Variants in ABCA8 observed in about 807,000 individuals in gnomAD.
ABCA8 encodes the protein ABC-type organic anion transporter ABCA8.
ABCA8 carries 177 observed loss-of-function variants against 192.3 expected under a neutral mutation model. That is an observed-to-expected ratio of 0.92 (90% CI 0.81 to 1.04). The LOEUF (loss-of-function observed/expected upper bound fraction) is 1.04. Among genes scored for constraint, ABCA8 ranks in the 50% least tolerant of loss-of-function variants. The pLI, the probability that ABCA8 is intolerant of heterozygous loss-of-function variation, is 0.00. For missense variants in ABCA8, 1,915 were observed against 1,904.8 expected (o/e 1.01, Z -0.10); for synonymous variants, 642 against 690.2 (o/e 0.93, Z 1.09).
intron 6 of ABCA8, 136 bp from the exon 7 acceptor site, chr17:68,932,650 C>T: frequency 1.5e-6 from 1 of 656,216 alleles, no homozygotes; most frequent in Non-Finnish European, 2.6e-6. Flanking sequence ...ACTTCTATGT[C>T]CTGTCATTGA....
rs2066325466 is a variant in ABCA8, at chr17:68,881,130, G to A, written c.4028C>T (p.Thr1343Ile). ...IKVITGDTKP[T>I]AGQVLLKGSG... ...ACATAATTCACCTACTTGTCCAGCA[G>A]TTGGTTTTGTGTCTCCAGTTATCAC... Residue 1343 changes from threonine to isoleucine, a missense_variant, in exon 32 of 40, where the codon ACT becomes ATT. Thr to Ile is a moderately conservative substitution (Grantham distance 89, BLOSUM62 -1). Coordinates refer to ENST00000586539, the MANE Select transcript of ABCA8 (RefSeq NM_001288985.2). 6.2e-7 allele frequency: 1 copy of A among 1,609,844 alleles called. No homozygotes were observed. Among genetic ancestry groups the A allele is most frequent in the South Asian group, 1.1e-5 (1 of 90,990 alleles).
At chr17:68,912,231 C>T (rs992029278) in intron 17 of ABCA8, among the ~76,000 whole-genome samples, 9 of 152,012 alleles carry the variant, frequency 5.9e-5, no homozygotes, top group Middle Eastern at 3.2e-3. Flanking sequence ...AGAGAAGGGA[C>T]TCAGAATCTT....
chr17:68,894,095 G>T (rs1598212687), intron 23 of ABCA8, 78 bp downstream of exon 23: 1 of 1,484,918 alleles, frequency 6.7e-7, no homozygotes, highest in Non-Finnish European at 9.4e-7. Context: ...ATAAAAACAA[G>T]ATTCCAGCAC....
intron 5 of ABCA8, among the ~76,000 whole-genome samples, chr17:68,936,748 T>C (rs1005248512): frequency 1.3e-5 from 2 of 152,066 alleles, no homozygotes; most frequent in Non-Finnish European, 2.9e-5. Flanking sequence ...TATGTAAATG[T>C]ATGTAGATAA....
chr17:68,942,656 G>A (rs561344025), intron 2 of ABCA8, among the ~76,000 whole-genome samples: 25 of 152,194 alleles, frequency 1.6e-4, no homozygotes, highest in Admixed American at 1.6e-3. Context: ...TAGTACTGGT[G>A]TCCACAGCTT....
chr17:68,916,945 TA>T (rs1252528370), intron 17 of ABCA8, among the ~76,000 whole-genome samples: 2 of 152,236 alleles, frequency 1.3e-5, no homozygotes, highest in African/African-American at 4.8e-5. Context: ...CAAATACGTG[TA>T]CATGTTTGTA....
rs149633073 is a variant in ABCA8 at position 68,911,115 on chromosome 17, G to T, written c.2139-3236C>A. On this transcript the variant is annotated intron_variant, in intron 17 of 39. Coordinates refer to ENST00000586539, the MANE Select transcript of ABCA8 (RefSeq NM_001288985.2). This position sits in a 1 kb window ranked among gnomAD's most constrained non-coding sequence, Gnocchi z 5.7. ...CTTAGGTACCAGCTTAGCTACAGTG[G>T]AGTAGAGAGCACCAAGCGGACTCCT... 1.3e-3 allele frequency among the ~76,000 whole-genome samples: 195 copies of T among 152,270 alleles called. No homozygotes were observed. The highest frequency in any genetic ancestry group is 4.6e-3 in the African/African-American group (192 of 41,570).
chr17:68,916,998 G>T lies in ABCA8; in HGVS notation c.2138+363C>A, dbSNP rs995777822. On this transcript the variant is annotated intron_variant, in intron 17 of 39. Transcript: ENST00000586539. ...ATAATACAAATTCTTGGCCGGGCGC[G>T]GTGGCTCACGCCTATAATCCCAGCA... Among the ~76,000 whole-genome samples the T allele has an allele frequency of 5.3e-5, 8 of 152,228 alleles. No homozygotes were observed. The East Asian group carries it at 1.5e-3, about 29-fold the overall frequency.
intron 1 of ABCA8, among the ~76,000 whole-genome samples, chr17:68,954,422 A>G (rs964679762): frequency 2.0e-5 from 3 of 152,068 alleles, no homozygotes; most frequent in Non-Finnish European, 2.9e-5. Flanking sequence ...ATTATTGCCA[A>G]CTTTGTTTCT....
At chr17:68,935,364 G>A (rs1458130880) in intron 5 of ABCA8, among the ~76,000 whole-genome samples, 1 of 150,782 alleles carries the variant, frequency 6.6e-6, no homozygotes, top group Non-Finnish European at 1.5e-5. Flanking sequence ...CAATCTGCCC[G>A]GCTTGGCCTC....
intron 1 of ABCA8, among the ~76,000 whole-genome samples, chr17:68,952,411 G>A (rs1325860836): frequency 6.6e-6 from 1 of 152,028 alleles, no homozygotes; most frequent in African/African-American, 2.4e-5. Flanking sequence ...GTAGAGATGG[G>A]GTTTCACCTT....
At chr17:68,926,813 C>T (rs575172205) in intron 10 of ABCA8, among the ~76,000 whole-genome samples, 12 of 152,302 alleles carry the variant, frequency 7.9e-5, no homozygotes, top group Admixed American at 7.2e-4. Context: ...CAAGATGTGG[C>T]TGTCTTCCTG....
rs201226205 is a variant in ABCA8 at position 68,922,194 on chromosome 17, C to CTTTTTTTTTTTTTTTTTTTTTTTTT, written c.1501+23_1501+47dup. 1.9e-5 allele frequency: 10 copies of CTTTTTTTTTTTTTTTTTTTTTTTTT among 527,426 alleles called. 2 individuals carry two copies. The highest frequency in any genetic ancestry group is 1.8e-4 in the Admixed American group (2 of 11,306). 32.7% of individuals were successfully genotyped at this position (527,426 alleles called of 1,614,324 possible). ...TAACAAATATTTTCTTTCTCTCTCT[C>CTTTTTTTTTTTTTTTTTTTTTTTTT]TTTTTTTTTTTTTTTTTTTTTTTTT... On this transcript the variant is annotated intron_variant, in intron 12 of 39. Transcript: ENST00000586539.
chr17:68,870,801 A>G (rs2066028612), intron 37 of ABCA8, among the ~76,000 whole-genome samples: 1 of 152,200 alleles, frequency 6.6e-6, no homozygotes, highest in African/African-American at 2.4e-5. Context: ...GCTGCAATGA[A>G]AATGTGGGTG....
chr17:68,868,141 C>CA lies in ABCA8; in HGVS notation c.4809dup (p.Glu1604Ter), dbSNP rs1225446995. 6.2e-7 allele frequency: 1 copy of CA among 1,613,124 alleles called. No homozygotes were observed. The highest frequency in any genetic ancestry group is 2.2e-5 in the East Asian group (1 of 44,850). ...TTCACTGAGGGATCAAAATCCTCCT[C>CA]AAAATCACCCAGCTCCTGCTCCTTG... is the stretch of plus-strand genomic sequence containing the variant. On this transcript the variant is annotated frameshift_variant, in exon 40 of 40. Transcript: ENST00000586539. LOFTEE classifies it high-confidence loss of function.
chr17:68,936,341 G>C (rs1284639524), intron 5 of ABCA8, among the ~76,000 whole-genome samples: 2 of 152,032 alleles, frequency 1.3e-5, no homozygotes, highest in African/African-American at 2.4e-5. Context: ...AATCCATCTT[G>C]AGTTAATTTT....
chr17:68,904,030 A>G (rs2066987503), intron 19 of ABCA8, among the ~76,000 whole-genome samples: 1 of 152,128 alleles, frequency 6.6e-6, no homozygotes, highest in Admixed American at 6.5e-5. Flanking sequence ...AACCTCAAAA[A>G]GCACACACCC....
At chr17:68,896,964 C>T (rs945724415) in intron 21 of ABCA8, among the ~76,000 whole-genome samples, 17 of 152,188 alleles carry the variant, frequency 1.1e-4, no homozygotes, top group South Asian at 8.3e-4. Flanking sequence ...ATGGAAAAGG[C>T]GATAAATTTG....
chr17:68,875,611 C>CA lies in ABCA8; in HGVS notation c.4490+2dup. The CA allele has an allele frequency of 6.2e-7, 1 of 1,613,780 alleles. No individual in the cohort carries two copies. Among genetic ancestry groups the CA allele is most frequent in the East Asian group, 2.2e-5 (1 of 44,876 alleles). On this transcript the variant is annotated splice_region_variant and intron_variant, in intron 36 of 39. Transcript: ENST00000586539. ...CAAGTGTGGGTCCAGGACAGGCACTCACCTCAACCTCCCAGATACCATGAT... is the reference window on the plus strand; with the variant it reads ...CAAGTGTGGGTCCAGGACAGGCACTCAACCTCAACCTCCCAGATACCATGAT...
Sources: gnomAD v4.1 joint callset for allele counts (sites outside exome capture counted in the v4.1 genomes callset) on GRCh38, gnomAD v4.1.1 for gene constraint, Gnocchi (gnomAD v3.1) non-coding constraint, MANE v1.5 for transcripts, NCBI Gene and HGNC (gene_info 2026-07-23, HGNC 2026-07-21) for gene names.